Variants in KCNA2 observed in about 807,000 individuals in gnomAD.
KCNA2 encodes the protein potassium channel, voltage gated shaker related subfamily A, member 2.
Under a neutral mutation model 33.4 loss-of-function variants are expected in KCNA2, and 11 were observed. That is an observed-to-expected ratio of 0.33 (90% CI 0.21 to 0.55). The LOEUF (loss-of-function observed/expected upper bound fraction) is 0.55. Ranked by LOEUF, KCNA2 falls within the 20% of genes least tolerant of loss-of-function variation. KCNA2 has a pLI of 0.93. For missense variants in KCNA2, 291 were observed against 621.6 expected, an observed-to-expected ratio of 0.47 and a Z score of 5.66; for synonymous variants, 222 against 231.3, an observed-to-expected ratio of 0.96 and a Z score of 0.37.
intron 1 of KCNA2, among the ~76,000 whole-genome samples, chr1:110,615,355 G>T (rs1650015855): frequency 6.6e-6 from 1 of 152,196 alleles, no homozygotes; most frequent in African/African-American, 2.4e-5. Context: ...CAGGCAGTGG[G>T]GCTTGCCCTG....
intron 1 of KCNA2, among the ~76,000 whole-genome samples, chr1:110,619,669 C>T (rs1338585447): frequency 1.3e-5 from 2 of 152,230 alleles, no homozygotes; most frequent in Non-Finnish European, 2.9e-5. Flanking sequence ...GCGCCTGGCT[C>T]CCTGCGCATC....
At position 110,597,590 on chromosome 1, in the gene KCNA2, A is replaced by T. The variant is rs1475900859; in HGVS notation, c.*5693T>A. On this transcript the variant is annotated 3_prime_UTR_variant, in exon 3 of 3. Coordinates refer to ENST00000316361, the MANE Select transcript of KCNA2 (RefSeq NM_004974.4). Reference sequence around the variant, plus strand: ...CCTTGTGCATACACTGCATCTTAGCATATGTGTCCATTCCAGAAGGAGGTC... The same window carrying T: ...CCTTGTGCATACACTGCATCTTAGCTTATGTGTCCATTCCAGAAGGAGGTC... 1.3e-5 allele frequency: 13 copies of T among 985,440 alleles called. No individual in the cohort carries two copies. Among genetic ancestry groups the T allele is most frequent in the Non-Finnish European group, 1.6e-5 (13 of 829,958 alleles). The allele number at this position is 985,440 out of a possible 1,614,324, so 61.0% of individuals were successfully genotyped here. A position where few individuals can be genotyped will look rare whatever the true frequency, so the allele number is the denominator to read the frequency against.
At chr1:110,627,967 T>C (rs980584650) in intron 1 of KCNA2, among the ~76,000 whole-genome samples, 1 of 152,120 alleles carries the variant, frequency 6.6e-6, no homozygotes, top group African/African-American at 2.4e-5. Flanking sequence ...TGCAATGCAA[T>C]GCGGGAAACA....
intron 1 of KCNA2, among the ~76,000 whole-genome samples, chr1:110,615,670 G>A (rs1362333509): frequency 1.3e-5 from 2 of 152,216 alleles, no homozygotes; most frequent in Admixed American, 6.5e-5. Flanking sequence ...TTTGAAGCAG[G>A]GGAGGGAAAG....
intron 1 of KCNA2, among the ~76,000 whole-genome samples, chr1:110,620,873 G>A (rs1444987930): frequency 6.6e-6 from 1 of 152,188 alleles, no homozygotes; most frequent in South Asian, 2.1e-4. Flanking sequence ...TCTATCCACC[G>A]TTAACAACCT....
chr1:110,620,354 C>T (rs1021154176), intron 1 of KCNA2, among the ~76,000 whole-genome samples: 1 of 152,212 alleles, frequency 6.6e-6, no homozygotes, highest in South Asian at 2.1e-4. Context: ...GCCCCATCCA[C>T]AGCCCAGGTC....
At chr1:110,612,453 C>G (rs144368141) in intron 1 of KCNA2, among the ~76,000 whole-genome samples, 269 of 152,302 alleles carry the variant, frequency 1.8e-3, no homozygotes, top group African/African-American at 6.3e-3. Flanking sequence ...ATGTCCTTAT[C>G]AACTGTCTTC....
chr1:110,603,832 T>C lies in KCNA2; in HGVS notation c.951A>G (p.Leu317=). 6.2e-7 allele frequency: 1 copy of C among 1,614,144 alleles called. No homozygotes were observed. Among genetic ancestry groups the C allele is most frequent in the Non-Finnish European group, 8.5e-7 (1 of 1,180,016 alleles). Residue 317 remains leucine, a synonymous_variant, in exon 3 of 3, where the codon CTA becomes CTG. Coordinates refer to ENST00000316361, the MANE Select transcript of KCNA2 (RefSeq NM_004974.4). This position sits in a 1 kb window ranked among gnomAD's most constrained non-coding sequence, Gnocchi z 5.7. The part of the protein sequence containing the change: ...LSRHSKGLQI[L]GQTLKASMRE... ...TCATGCTGGCTTTGAGGGTCTGACC[T>C]AGAATCTGGAGACCTTTGGAGTGTC...
intron 1 of KCNA2, among the ~76,000 whole-genome samples, chr1:110,616,955 C>G (rs1038246129): frequency 7.2e-5 from 11 of 152,212 alleles, no homozygotes; most frequent in Non-Finnish European, 1.5e-4. Flanking sequence ...ACAAAAGCAC[C>G]TAAGAAGAGG....
upstream of KCNA2, among the ~76,000 whole-genome samples, chr1:110,611,184 G>A (rs896335051): frequency 2.0e-5 from 3 of 152,228 alleles, no homozygotes; most frequent in African/African-American, 7.2e-5. Flanking sequence ...ACAGGACTCT[G>A]TTAATGTCAC....
intron 1 of KCNA2, among the ~76,000 whole-genome samples, chr1:110,614,075 C>A (rs1195819566): frequency 3.3e-5 from 5 of 152,334 alleles, no homozygotes; most frequent in African/African-American, 1.2e-4. Flanking sequence ...AGGCGTCCCA[C>A]CTGTGGCCAT....
chr1:110,602,796 G>C lies in KCNA2; in HGVS notation c.*487C>G. 1.0e-6 allele frequency: 1 copy of C among 996,750 alleles called. No homozygotes were observed. The highest frequency in any genetic ancestry group is 1.2e-6 in the Non-Finnish European group (1 of 837,214). 61.7% of individuals were successfully genotyped at this position (996,750 alleles called of 1,614,324 possible). A position where few individuals can be genotyped will look rare whatever the true frequency, so the allele number is the denominator to read the frequency against. On this transcript the variant is annotated 3_prime_UTR_variant, in exon 3 of 3. Transcript: ENST00000316361. ...CACAGAAAGTAATTCCAACACACAG[G>C]ACTGTGTGTTCTTTTCAATGCAAAA...
At chr1:110,629,670 C>G (rs1456484347) in intron 1 of KCNA2, among the ~76,000 whole-genome samples, 1 of 152,198 alleles carries the variant, frequency 6.6e-6, no homozygotes, top group Non-Finnish European at 1.5e-5. Context: ...GCACACTGAG[C>G]ATCTGGTGTC....
upstream of KCNA2, among the ~76,000 whole-genome samples, chr1:110,609,653 A>T (rs779846846): frequency 6.6e-6 from 1 of 152,178 alleles, no homozygotes; most frequent in Non-Finnish European, 1.5e-5. Flanking sequence ...CCTCAGGGGT[A>T]TGTTGTCCTG....
At chr1:110,614,281 G>C (rs1191472563) in intron 1 of KCNA2, among the ~76,000 whole-genome samples, 3 of 152,178 alleles carry the variant, frequency 2.0e-5, no homozygotes, top group Non-Finnish European at 2.9e-5. Flanking sequence ...ACTTCAAAGT[G>C]GGCCATGTAT....
chr1:110,616,205 C>T (rs1650059085), intron 1 of KCNA2, among the ~76,000 whole-genome samples: 1 of 152,176 alleles, frequency 6.6e-6, no homozygotes, highest in South Asian at 2.1e-4. Flanking sequence ...TGCAGATCCC[C>T]AAGTCAGCCT....
chr1:110,627,880 AGG>A (rs1650444033), intron 1 of KCNA2, among the ~76,000 whole-genome samples: 2 of 152,100 alleles, frequency 1.3e-5, no homozygotes, highest in African/African-American at 4.8e-5. Flanking sequence ...CAAAGTGAAG[AGG>A]GAGAAACTCC....
chr1:110,596,859 G>A lies in KCNA2; in HGVS notation c.*6424C>T, dbSNP rs1200157010. ...GTATAGAGCAAGGTAGATCAAAAAA[G>A]GATGGAATGGGACCCTGGGGTTGCC... is the stretch of plus-strand genomic sequence containing the variant. On this transcript the variant is annotated 3_prime_UTR_variant, in exon 3 of 3. Transcript: ENST00000316361. 1.0e-6 allele frequency: 1 copy of A among 985,306 alleles called. No individual in the cohort carries two copies. The highest frequency in any genetic ancestry group is 1.2e-6 in the Non-Finnish European group (1 of 829,942). The allele number at this position is 985,306 out of a possible 1,614,324, so 61.0% of individuals were successfully genotyped here.
Position 110,600,302 on chromosome 1 carries a change from T to C in KCNA2, c.*2981A>G. 1.9e-5 allele frequency: 19 copies of C among 983,876 alleles called. No homozygotes were observed. Among genetic ancestry groups the C allele is most frequent in the Non-Finnish European group, 2.0e-5 (17 of 829,692 alleles). The allele number at this position is 983,876 out of a possible 1,614,324, so 60.9% of individuals were successfully genotyped here. A position where few individuals can be genotyped will look rare whatever the true frequency, so the allele number is the denominator to read the frequency against. ...ATATACTGAGTTTGTGTGTATTTTA[T>C]GTGTAGAAACAATGGTAAAGTAGCC... On this transcript the variant is annotated 3_prime_UTR_variant, in exon 3 of 3. Transcript: ENST00000316361.
Sources: allele counts gnomAD v4.1 joint callset (sites outside exome capture counted in the v4.1 genomes callset), GRCh38; gene constraint gnomAD v4.1.1; non-coding constraint Gnocchi (gnomAD v3.1); transcripts MANE v1.5; gene names NCBI Gene and HGNC (gene_info 2026-07-23, HGNC 2026-07-21).